TRIM2: variants seen among roughly 807,000 people sequenced by gnomAD.
The protein encoded by TRIM2 is tripartite motif-containing protein 2.
Under a neutral mutation model 75.2 loss-of-function variants are expected in TRIM2, and 20 were observed. The ratio of observed to expected loss-of-function variants is 0.27; its 90% CI spans 0.19 to 0.39. The LOEUF is 0.39. Among genes scored for constraint, TRIM2 ranks in the 10% least tolerant of loss-of-function variants. The pLI is 1.00. For synonymous variants in TRIM2, 373 were observed against 388.3 expected (o/e 0.96, Z 0.46); for missense variants, 660 against 990.8 (o/e 0.67, Z 4.48).
intron 3 of TRIM2, among the ~76,000 whole-genome samples, chr4:153,284,115 G>T (rs1182323343): frequency 6.6e-6 from 1 of 151,636 alleles, no homozygotes; most frequent in Non-Finnish European, 1.5e-5. Flanking sequence ...CTGACCTCAG[G>T]TGATCCGCCC....
At chr4:153,169,893 G>A (rs11728062) in intron 1 of TRIM2, among the ~76,000 whole-genome samples, 78,394 of 152,048 alleles carry the variant, frequency 0.52, 21,903 homozygotes, top group Non-Finnish European at 0.63. Flanking sequence ...ACAGCACTTC[G>A]TGTGAGTGAG....
At chr4:153,306,302 G>C (rs763184244) in intron 6 of TRIM2, among the ~76,000 whole-genome samples, 4 of 152,248 alleles carry the variant, frequency 2.6e-5, no homozygotes, top group East Asian at 3.9e-4. Flanking sequence ...GCATGTAAAG[G>C]CTTACAACAG....
rs1479167602 is a variant in TRIM2, at chr4:153,155,138, T to C, written c.-49+1868T>C. 2.0e-5 allele frequency among the ~76,000 whole-genome samples: 3 copies of C among 151,806 alleles called. No individual in the cohort carries two copies. The East Asian group carries it at 5.8e-4, about 29-fold the overall frequency. On this transcript the variant is annotated intron_variant, in intron 1 of 11. Coordinates refer to the TRIM2 transcript ENST00000437508. The stretch of plus-strand genomic sequence containing the variant: ...CTGGGCAACAGGGTGAGACTCCGTC[T>C]CAAAAAAAAAGAAAGAAAGAAAAAA...
chr4:153,295,626 T>C lies in TRIM2; in HGVS notation c.1100T>C (p.Ile367Thr). The C allele has an allele frequency of 6.2e-7, 1 of 1,613,842 alleles. No homozygotes were observed. The highest frequency in any genetic ancestry group is 8.5e-7 in the Non-Finnish European group (1 of 1,179,964). Residue 367 changes from isoleucine (I) to threonine (T), a missense_variant, in exon 6 of 12, where the codon ATC (isoleucine) becomes ACC (threonine). Physicochemically the swap from Ile to Thr is moderately conservative, Grantham distance 89. Around this residue, in one of 2 missense-constraint regions of TRIM2, gnomAD observed 620 missense variants for 891.0 expected, o/e 0.70. Coordinates refer to ENST00000338700, the MANE Select transcript of TRIM2 (RefSeq NM_015271.5). The surrounding 1 kb of genome is among the most constrained non-coding windows in gnomAD (Gnocchi z 7.2). ...GGCGAGGGGCTGCGGCAGACCATCA[T>C]CGGGCAGCCCATGTCCGTCACCATC... ...ATGEGLRQTI[I>T]GQPMSVTITT...
At chr4:153,203,587 C>CAA (rs397878558), upstream of TRIM2, among the ~76,000 whole-genome samples, 1 of 131,536 alleles carries the variant, frequency 7.6e-6, no homozygotes. Flanking sequence ...GACTCTGTCT[C>CAA]AAAAAAAAAA....
At chr4:153,241,102 T>G (rs1057418815) in intron 1 of TRIM2, among the ~76,000 whole-genome samples, 6 of 152,108 alleles carry the variant, frequency 3.9e-5, no homozygotes, top group African/African-American at 1.4e-4. Context: ...CAAAAAAACC[T>G]TTTCCTGTAG....
intron 1 of TRIM2, among the ~76,000 whole-genome samples, chr4:153,244,478 C>G (rs1008794843): frequency 6.8e-6 from 1 of 147,120 alleles, no homozygotes; most frequent in African/African-American, 2.5e-5. Context: ...CCGAGCTGAT[C>G]TTGAACTCCT....
intron 8 of TRIM2, among the ~76,000 whole-genome samples, chr4:153,317,529 G>A (rs1357905337): frequency 6.6e-6 from 1 of 151,782 alleles, no homozygotes; most frequent in Non-Finnish European, 1.5e-5. Flanking sequence ...TGCACCTGTA[G>A]TCCCAGCTGC....
chr4:153,333,663 G>C (rs189153252), intron 11 of TRIM2, among the ~76,000 whole-genome samples: 1 of 151,882 alleles, frequency 6.6e-6, no homozygotes, highest in South Asian at 2.1e-4. Flanking sequence ...TCAGCCCCCC[G>C]TACCCCCAAA....
At chr4:153,227,885 A>G (rs1742577364) in intron 1 of TRIM2, among the ~76,000 whole-genome samples, 1 of 152,118 alleles carries the variant, frequency 6.6e-6, no homozygotes, top group African/African-American at 2.4e-5. Flanking sequence ...TCTCCTCGGT[A>G]TTGGCTGTGA....
At chr4:153,331,544 A>G (rs1771484495) in intron 11 of TRIM2, among the ~76,000 whole-genome samples, 1 of 152,244 alleles carries the variant, frequency 6.6e-6, no homozygotes, top group African/African-American at 2.4e-5. Context: ...ATGGATTGCA[A>G]GACTCAACAA....
chr4:153,244,421 T>TTCCTCTTCC (rs1560875607), intron 1 of TRIM2, among the ~76,000 whole-genome samples: 1 of 89,096 alleles, frequency 1.1e-5, no homozygotes, highest in Non-Finnish European at 2.3e-5. Context: ...CTTCTTCTTC[T>TTCCTCTTCC]TCTTCTTCTT....
intron 9 of TRIM2, among the ~76,000 whole-genome samples, chr4:153,323,513 G>A (rs1178463131): frequency 1.3e-5 from 2 of 151,584 alleles, no homozygotes; most frequent in South Asian, 2.1e-4. Context: ...ACAGGGTCTC[G>A]CTCTGTCACC....
rs141047666 is a variant in TRIM2 at position 153,294,702 on chromosome 4, G to A, written c.786+217G>A. ...GTACTAGTTTATAATTTGACAAGAG[G>A]CAAGGTTGAATATAATGTAATGCTT... On this transcript the variant is annotated intron_variant, in intron 5 of 11. Coordinates refer to ENST00000338700, the MANE Select transcript of TRIM2 (RefSeq NM_015271.5). Among the ~76,000 whole-genome samples, 515 of 152,304 alleles carry A rather than the reference G, an allele frequency of 3.4e-3. 4 individuals are homozygous for A. Among genetic ancestry groups the A allele is most frequent in the Middle Eastern group, 0.017 (5 of 294 alleles).
intron 1 of TRIM2, among the ~76,000 whole-genome samples, chr4:153,153,603 T>C (rs958662872): frequency 6.6e-6 from 1 of 152,236 alleles, no homozygotes; most frequent in African/African-American, 2.4e-5. Flanking sequence ...CCCCGATCTT[T>C]CCGGCCCTTT....
intron 1 of TRIM2, among the ~76,000 whole-genome samples, chr4:153,184,056 A>T (rs368659833): frequency 6.6e-6 from 1 of 152,174 alleles, no homozygotes; most frequent in Non-Finnish European, 1.5e-5. Flanking sequence ...GCTAAGCTGC[A>T]TGGGGATGAG....
At chr4:153,239,213 G>C (rs1560863004) in intron 1 of TRIM2, among the ~76,000 whole-genome samples, 1 of 152,104 alleles carries the variant, frequency 6.6e-6, no homozygotes, top group Non-Finnish European at 1.5e-5. Context: ...TTAGCCAGGC[G>C]TCGTGGCGGG....
At chr4:153,313,888 C>T (rs564746726) in intron 6 of TRIM2, among the ~76,000 whole-genome samples, 9 of 152,176 alleles carry the variant, frequency 5.9e-5, no homozygotes, top group South Asian at 4.1e-4. Context: ...TCGTCCATCT[C>T]GGCCTCACAA....
chr4:153,338,329 T>C lies in TRIM2; in HGVS notation c.*3363T>C. 1.0e-6 allele frequency: 1 copy of C among 985,842 alleles called. No individual in the cohort carries two copies. The highest frequency in any genetic ancestry group is 1.2e-6 in the Non-Finnish European group (1 of 829,930). The allele number at this position is 985,842 out of a possible 1,614,324, so 61.1% of individuals were successfully genotyped here. A position where few individuals can be genotyped will look rare whatever the true frequency, so the allele number is the denominator to read the frequency against. ...ACTTCAAATGGGAAAAATCTTTTTG[T>C]AGACTCTATAGTACCCTCTCTATTC... is the stretch of plus-strand genomic sequence containing the variant. On this transcript the variant is annotated 3_prime_UTR_variant, in exon 12 of 12. Transcript: ENST00000338700.
Sources: allele counts gnomAD v4.1 joint callset (sites outside exome capture counted in the v4.1 genomes callset), GRCh38; gene constraint gnomAD v4.1.1; regional missense constraint gnomAD v4.1.1; non-coding constraint Gnocchi (gnomAD v3.1); transcripts MANE v1.5; gene names NCBI Gene and HGNC (gene_info 2026-07-23, HGNC 2026-07-21).